Variants in UBE2H observed in about 807,000 individuals in gnomAD.
UBE2H encodes the protein ubiquitin conjugating enzyme E2 H.
A neutral mutation model predicts 29.0 loss-of-function variants in UBE2H; 3 were observed. The observed-to-expected ratio is 0.10, with a 90% confidence interval of 0.05 to 0.27. The LOEUF (loss-of-function observed/expected upper bound fraction) is 0.27. UBE2H is among the 10% of genes least tolerant of loss of function. The probability of loss-of-function intolerance (pLI) is 1.00; values close to 1 mark genes in which losing one functional copy is unlikely to be tolerated. For synonymous variants in UBE2H, 69 were observed against 82.9 expected, an observed-to-expected ratio of 0.83 and a Z score of 0.91; for missense variants, 68 against 228.2, an observed-to-expected ratio of 0.30 and a Z score of 4.52.
chr7:129,863,808 GTT>G (rs34701981), intron 3 of UBE2H, among the ~76,000 whole-genome samples: 12 of 135,988 alleles, frequency 8.8e-5, no homozygotes, highest in Admixed American at 1.5e-4. Context: ...AATACTAGGT[GTT>G]TTTTTTTTTT....
At chr7:129,864,180 G>A (rs1805853220) in intron 3 of UBE2H, among the ~76,000 whole-genome samples, 1 of 152,294 alleles carries the variant, frequency 6.6e-6, no homozygotes, top group East Asian at 1.9e-4. Context: ...ACAAGCTGTG[G>A]GCAGTGTTTC....
At chr7:129,862,521 T>C (rs1805821153) in intron 3 of UBE2H, among the ~76,000 whole-genome samples, 1 of 151,752 alleles carries the variant, frequency 6.6e-6, no homozygotes, top group African/African-American at 2.4e-5. Flanking sequence ...AATGGAAAGG[T>C]TGGGGCGGGG....
chr7:129,860,759 T>C (rs1013386840), intron 3 of UBE2H, among the ~76,000 whole-genome samples: 1 of 151,798 alleles, frequency 6.6e-6, no homozygotes, highest in Admixed American at 6.6e-5. Flanking sequence ...CAGGCTGAGG[T>C]TATTTAAATA....
chr7:129,914,171 A>ATT (rs537238975), intron 1 of UBE2H, among the ~76,000 whole-genome samples: 5 of 145,082 alleles, frequency 3.4e-5, no homozygotes, highest in African/African-American at 7.6e-5. Context: ...TCAAAAATCA[A>ATT]TTTTTTTTTT....
chr7:129,917,037 C>CAA (rs35874993), intron 1 of UBE2H, among the ~76,000 whole-genome samples: 22,145 of 96,104 alleles, frequency 0.23, 2,255 homozygotes, highest in African/African-American at 0.31. Flanking sequence ...ATTCCGTCTC[C>CAA]AAAAAAAAAA....
rs1171897255 is a variant in UBE2H at position 129,936,804 on chromosome 7, GA to G, written c.53+15698del. ...CATGGTGAAACCCCGTCTCTACTAGGAAAAAAAAAAAAAAAAAAAAAAAGTT... is the reference window on the plus strand; with the variant it reads ...CATGGTGAAACCCCGTCTCTACTAGGAAAAAAAAAAAAAAAAAAAAAAGTT... On this transcript the variant is annotated intron_variant, in intron 1 of 6. Transcript: ENST00000355621. 9.5e-3 allele frequency among the ~76,000 whole-genome samples: 744 copies of G among 78,016 alleles called. 8 individuals are homozygous for G. Among genetic ancestry groups the G allele is most frequent in the African/African-American group, 0.026 (531 of 20,554 alleles). The allele number at this position is 78,016 out of a possible 152,430, so 51.2% of individuals were successfully genotyped here.
chr7:129,914,765 G>A (rs6962745), intron 1 of UBE2H, among the ~76,000 whole-genome samples: 22,096 of 152,092 alleles, frequency 0.15, 1,678 homozygotes, highest in Admixed American at 0.2. Flanking sequence ...AGAGAATTTA[G>A]TTGTTCAGAG....
chr7:129,939,598 C>T (rs1446168042), intron 1 of UBE2H, among the ~76,000 whole-genome samples: 1 of 152,136 alleles, frequency 6.6e-6, no homozygotes, highest in Non-Finnish European at 1.5e-5. Context: ...AATGTCCAAC[C>T]AAATTCTGAA....
At chr7:129,936,369 C>A (rs1280051737) in intron 1 of UBE2H, among the ~76,000 whole-genome samples, 2 of 151,814 alleles carry the variant, frequency 1.3e-5, no homozygotes, top group Non-Finnish European at 2.9e-5. Flanking sequence ...CCGAGGCGGG[C>A]AGATCACGAG....
intron 1 of UBE2H, among the ~76,000 whole-genome samples, chr7:129,948,404 G>A (rs1041646399): frequency 5.9e-5 from 9 of 152,294 alleles, no homozygotes; most frequent in African/African-American, 1.2e-4. Flanking sequence ...AACTCAGGCC[G>A]TTTTAATGTA....
chr7:129,887,994 G>A (rs1327339872), intron 1 of UBE2H, among the ~76,000 whole-genome samples: 1 of 152,198 alleles, frequency 6.6e-6, no homozygotes, highest in African/African-American at 2.4e-5. Context: ...GGTTTCATAA[G>A]GATGTCTATG....
chr7:129,856,717 CCA>C (rs1425423262), intron 5 of UBE2H, among the ~76,000 whole-genome samples: 2 of 152,136 alleles, frequency 1.3e-5, no homozygotes, highest in Admixed American at 6.5e-5. Context: ...CAACATGGGT[CCA>C]CACACAGTTT....
intron 1 of UBE2H, among the ~76,000 whole-genome samples, chr7:129,893,453 C>T (rs891098259): frequency 1.3e-5 from 2 of 152,026 alleles, no homozygotes; most frequent in Admixed American, 6.6e-5. Flanking sequence ...ACCCCCATCC[C>T]CAACAAAATA....
chr7:129,952,249 A>G (rs1204905557), intron 1 of UBE2H, among the ~76,000 whole-genome samples: 1 of 152,134 alleles, frequency 6.6e-6, no homozygotes, highest in Non-Finnish European at 1.5e-5. Flanking sequence ...GTCGCGGAGG[A>G]AAGTCACAGG....
intron 5 of UBE2H, among the ~76,000 whole-genome samples, chr7:129,844,161 T>A (rs892946543): frequency 1.8e-4 from 28 of 152,320 alleles, no homozygotes; most frequent in African/African-American, 6.0e-4. Context: ...AAGTGCTGAG[T>A]CACACCTGTA....
intron 3 of UBE2H, 127 bp from the exon 4 acceptor site, chr7:129,859,068 G>T (rs1169706537): frequency 1.4e-6 from 1 of 711,900 alleles, no homozygotes; most frequent in Non-Finnish European, 2.4e-6. Flanking sequence ...TTCAACCTTA[G>T]ATCTTTCATT....
At chr7:129,854,060 GTTTT>G (rs56362841) in intron 5 of UBE2H, among the ~76,000 whole-genome samples, 2 of 100,308 alleles carry the variant, frequency 2.0e-5, no homozygotes, top group East Asian at 2.7e-4. Flanking sequence ...TTTAGTGTTA[GTTTT>G]TTTTTTTTTT....
intron 1 of UBE2H, chr7:129,948,996 T>A: frequency 2.2e-6 from 1 of 456,858 alleles, no homozygotes; most frequent in South Asian, 1.5e-5. Flanking sequence ...CTCCTCCTTT[T>A]CCGGGTAGTA....
chr7:129,929,005 C>T, intron 1 of UBE2H, among the ~76,000 whole-genome samples: 1 of 152,068 alleles, frequency 6.6e-6, no homozygotes, highest in Non-Finnish European at 1.5e-5. Context: ...TGCCCAGAGT[C>T]AATTAAGTGC....
Sources: gnomAD v4.1 joint callset for allele counts (sites outside exome capture counted in the v4.1 genomes callset) on GRCh38, gnomAD v4.1.1 for gene constraint, MANE v1.5 for transcripts, NCBI Gene and HGNC (gene_info 2026-07-23, HGNC 2026-07-21) for gene names.